The following PPFIA2 variants were observed in gnomAD, a reference collection of about 807,000 sequenced individuals.
PPFIA2 encodes PPFI scaffold protein A2, also known as liprin-alpha-2.
A neutral mutation model predicts 175.5 loss-of-function variants in PPFIA2; 46 were observed. The ratio of observed to expected loss-of-function variants is 0.26; its 90% CI spans 0.21 to 0.34. PPFIA2 has a LOEUF of 0.34. Ranked by LOEUF, PPFIA2 falls within the 10% of genes least tolerant of loss-of-function variation. The pLI, the probability that PPFIA2 is intolerant of heterozygous loss-of-function variation, is 1.00. For missense variants in PPFIA2, 1,179 were observed against 1,506.1 expected, an observed-to-expected ratio of 0.78 and a Z score of 3.60; for synonymous variants, 568 against 511.4, an observed-to-expected ratio of 1.11 and a Z score of -1.49.
chr12:81,357,147 T>G (rs1008825798), intron 16 of PPFIA2, among the ~76,000 whole-genome samples: 1 of 152,216 alleles, frequency 6.6e-6, no homozygotes, highest in Non-Finnish European at 1.5e-5. Flanking sequence ...AGAATTAGTA[T>G]TTGTGTTACA....
intron 6 of PPFIA2, among the ~76,000 whole-genome samples, chr12:81,442,817 A>G (rs1230461757): frequency 8.2e-6 from 1 of 121,632 alleles, no homozygotes; most frequent in African/African-American, 3.1e-5. Context: ...CCTGTCCCCA[A>G]GGCATGGTTA....
chr12:81,302,758 C>A, intron 22 of PPFIA2: 1 of 424,198 alleles, frequency 2.4e-6, no homozygotes, highest in Admixed American at 2.6e-5. Context: ...AGCAATATTG[C>A]CTTGCATTAT....
chr12:81,511,585 A>G (rs1243065495), intron 4 of PPFIA2, among the ~76,000 whole-genome samples: 3 of 152,022 alleles, frequency 2.0e-5, no homozygotes, highest in East Asian at 1.9e-4. Context: ...GCATCAAGCT[A>G]TTTCCTCTAT....
At chr12:81,609,530 C>T (rs184326180) in intron 4 of PPFIA2, among the ~76,000 whole-genome samples, 28 of 152,024 alleles carry the variant, frequency 1.8e-4, no homozygotes, top group African/African-American at 6.8e-4. Flanking sequence ...TATGCAATGC[C>T]CTTCATTGTC....
chr12:81,277,441 A>G (rs1179328428), intron 27 of PPFIA2, 27 bp from the exon 28 acceptor site: 3 of 1,482,072 alleles, frequency 2.0e-6, no homozygotes, highest in Non-Finnish European at 2.7e-6. Flanking sequence ...AAAAAAAAAA[A>G]CACAGTGAGT....
At chr12:81,552,954 T>C (rs1421662366) in intron 4 of PPFIA2, among the ~76,000 whole-genome samples, 1 of 152,006 alleles carries the variant, frequency 6.6e-6, no homozygotes, top group Non-Finnish European at 1.5e-5. Context: ...TTCCATATAA[T>C]AAATAGTAAC....
At chr12:81,296,143 T>C (rs905884301) in intron 23 of PPFIA2, among the ~76,000 whole-genome samples, 1 of 151,698 alleles carries the variant, frequency 6.6e-6, no homozygotes, top group Non-Finnish European at 1.5e-5. Flanking sequence ...CTGTCTCTAC[T>C]AAAACTAAAA....
intron 4 of PPFIA2, among the ~76,000 whole-genome samples, chr12:81,479,739 T>C (rs917524331): frequency 5.9e-5 from 9 of 152,228 alleles, no homozygotes; most frequent in Admixed American, 1.3e-4. Flanking sequence ...TTTAAGAATG[T>C]TGAATATTGG....
In PPFIA2 at chr12:81,357,868, G is replaced by A. The variant is rs1175470999; in HGVS notation, c.1773+214C>T. 2.0e-5 allele frequency among the ~76,000 whole-genome samples: 3 copies of A among 152,064 alleles called. No individual in the cohort carries two copies. In the East Asian group the frequency reaches 5.8e-4, roughly 29 times the overall value. ...ATACAAGTAGTACCCACTTCATAAT[G>A]TTATATGAATAAATACATGGGAAAT... is the stretch of plus-strand genomic sequence containing the variant. On this transcript the variant is annotated intron_variant, in intron 16 of 32. Transcript: ENST00000549396.
At chr12:81,661,203 G>A (rs1269529070) in intron 4 of PPFIA2, among the ~76,000 whole-genome samples, 1 of 151,992 alleles carries the variant, frequency 6.6e-6, no homozygotes, top group African/African-American at 2.4e-5. Context: ...TAACAATATT[G>A]ACCTTAAATG....
chr12:81,494,565 A>G (rs1445502962), intron 4 of PPFIA2, among the ~76,000 whole-genome samples: 2 of 151,646 alleles, frequency 1.3e-5, no homozygotes, highest in African/African-American at 2.4e-5. Context: ...AACTAGAAAT[A>G]CCATTTGACC....
At chr12:81,439,933 A>G (rs1366144302) in intron 7 of PPFIA2, 39 bp downstream of exon 7, 1 of 1,505,878 alleles carries the variant, frequency 6.6e-7, no homozygotes, top group African/African-American at 1.4e-5. Context: ...AATGTCAGCG[A>G]TATTGCACCT....
At position 81,346,130 on chromosome 12, in the gene PPFIA2, T is replaced by A. The variant is rs546494939; in HGVS notation, c.2232+1403A>T. On this transcript the variant is annotated intron_variant, in intron 18 of 32. Coordinates refer to ENST00000549396, the MANE Select transcript of PPFIA2 (RefSeq NM_003625.5). ...AGCCTCAAAATTGTAAGTATGCCAA[T>A]GCATATTCACTACAAAAACATAATT... is the stretch of plus-strand genomic sequence containing the variant. 2.0e-4 allele frequency among the ~76,000 whole-genome samples: 31 copies of A among 152,322 alleles called. No individual in the cohort carries two copies. The South Asian group carries it at 6.0e-3, about 30-fold the overall frequency.
At chr12:81,707,780 C>A (rs1006276123) in intron 3 of PPFIA2, among the ~76,000 whole-genome samples, 10 of 151,536 alleles carry the variant, frequency 6.6e-5, no homozygotes, top group African/African-American at 2.2e-4. Flanking sequence ...TCCAAATATC[C>A]AACAATGATA....
At chr12:81,493,754 C>G (rs5004210) in intron 4 of PPFIA2, among the ~76,000 whole-genome samples, 53 of 102,098 alleles carry the variant, frequency 5.2e-4, no homozygotes, top group African/African-American at 2.0e-3. Context: ...GTGTGTGTGT[C>G]TATATATATA....
In PPFIA2 at chr12:81,736,438, T is replaced by C. The variant is rs368420399; in HGVS notation, c.249+17535A>G. The stretch of plus-strand genomic sequence containing the variant: ...GAATTGGTTTATTCATTCTGTTGGG[T>C]TTATTTGTGGACATAGACGCATTTT... On this transcript the variant is annotated intron_variant, in intron 3 of 32. Coordinates refer to ENST00000549396, the MANE Select transcript of PPFIA2 (RefSeq NM_003625.5). 9.2e-5 allele frequency among the ~76,000 whole-genome samples: 14 copies of C among 152,004 alleles called. No homozygotes were observed. The East Asian group carries it at 1.2e-3, about 13-fold the overall frequency.
intron 4 of PPFIA2, among the ~76,000 whole-genome samples, chr12:81,663,155 TC>T (rs2069302213): frequency 6.6e-6 from 1 of 152,122 alleles, no homozygotes. Flanking sequence ...CTCTCGCCAC[TC>T]CTATTCAACA....
At chr12:81,539,614 G>A (rs975736278) in intron 4 of PPFIA2, among the ~76,000 whole-genome samples, 1 of 151,890 alleles carries the variant, frequency 6.6e-6, no homozygotes, top group Non-Finnish European at 1.5e-5. Context: ...TGATTCTTAT[G>A]CATGCTAAAG....
At chr12:81,738,629 C>T (rs1300769241) in intron 3 of PPFIA2, among the ~76,000 whole-genome samples, 2 of 149,410 alleles carry the variant, frequency 1.3e-5, no homozygotes, top group East Asian at 3.9e-4. Context: ...TTCTAGATAA[C>T]AGAGGAAAAA....
Sources: allele counts gnomAD v4.1 joint callset (sites outside exome capture counted in the v4.1 genomes callset), GRCh38; gene constraint gnomAD v4.1.1; transcripts MANE v1.5; gene names NCBI Gene and HGNC (gene_info 2026-07-23, HGNC 2026-07-21).